Variants in MX1 observed in about 807,000 individuals in gnomAD.
The protein encoded by MX1 is MX dynamin like GTPase 1.
A neutral mutation model predicts 66.4 loss-of-function variants in MX1; 66 were observed. The observed-to-expected ratio is 0.99, with a 90% CI of 0.82 to 1.22. MX1 has a LOEUF of 1.22. Among genes scored for constraint, MX1 ranks in the 50% most tolerant of loss-of-function variants. MX1 has a pLI of 0.00. For missense variants in MX1, 787 were observed against 834.3 expected (o/e 0.94, Z 0.70); for synonymous variants, 311 against 318.1 (o/e 0.98, Z 0.24).
intron 8 of MX1, 38 bp downstream of exon 8, chr21:41,439,886 T>C: frequency 7.3e-7 from 1 of 1,377,742 alleles, no homozygotes; most frequent in Non-Finnish European, 9.7e-7. Context: ...GGCCGTGGCG[T>C]GGGGATGGGG....
chr21:41,452,535 G>A, intron 15 of MX1, 86 bp from the exon 16 acceptor site: 5 of 1,431,478 alleles, frequency 3.5e-6, no homozygotes, highest in Non-Finnish European at 3.8e-6. Context: ...TGGGTAACCT[G>A]GTATTTACGG....
At chr21:41,458,506 G>C (rs768343250) in intron 16 of MX1, 22 bp from the exon 17 acceptor site, 2 of 1,383,610 alleles carry the variant, frequency 1.4e-6, no homozygotes, top group East Asian at 3.1e-5. Flanking sequence ...CCACCCTCCC[G>C]TGAACTGTTC....
chr21:41,441,266 T>C lies in MX1; in HGVS notation c.730+241T>C, dbSNP rs888717523. On this transcript the variant is annotated intron_variant, in intron 9 of 16. Transcript: ENST00000398598. This position sits in a 1 kb window ranked among gnomAD's most constrained non-coding sequence, Gnocchi z 4.0. ...AGACCTGCTAAGGGAGCAGGTTTGG[T>C]GCCCACCAAGGCCAAGTGAAATGAG... 8.3e-5 allele frequency: 45 copies of C among 539,694 alleles called. No homozygotes were observed. The highest frequency in any genetic ancestry group is 1.2e-4 in the Non-Finnish European group (38 of 311,374). The allele number at this position is 539,694 out of a possible 1,614,324, so 33.4% of individuals were successfully genotyped here. A position where few individuals can be genotyped will look rare whatever the true frequency, so the allele number is the denominator to read the frequency against.
rs2146048579 is a variant in MX1 at position 41,427,292 on chromosome 21, C to T, written c.-222C>T. 6.6e-6 allele frequency: 1 copy of T among 152,382 alleles called. No homozygotes were observed. Among genetic ancestry groups the T allele is most frequent in the East Asian group, 1.9e-4 (1 of 5,180 alleles). 9.4% of individuals were successfully genotyped at this position (152,382 alleles called of 1,614,324 possible). ...CCTTGCCGCCCACCTGCTCACCCAG[C>T]TCAGGGGCTTTGGTAGGTAGCAGTG... is the stretch of plus-strand genomic sequence containing the variant. On this transcript the variant is annotated 5_prime_UTR_variant, in exon 2 of 17. Coordinates refer to ENST00000398598, the MANE Select transcript of MX1 (RefSeq NM_002462.5).
intron 6 of MX1, among the ~76,000 whole-genome samples, chr21:41,436,777 G>C (rs2090374345): frequency 6.6e-6 from 1 of 152,204 alleles, no homozygotes; most frequent in African/African-American, 2.4e-5. Flanking sequence ...GCCAAAAGTG[G>C]TGGCTTTCAA....
At chr21:41,433,718 T>C (rs1053494598) in intron 5 of MX1, among the ~76,000 whole-genome samples, 1 of 152,192 alleles carries the variant, frequency 6.6e-6, no homozygotes, top group African/African-American at 2.4e-5. Context: ...GTGAAGGAGT[T>C]GACCCAGGGA....
intron 16 of MX1, among the ~76,000 whole-genome samples, chr21:41,456,370 G>T (rs2090959416): frequency 6.6e-6 from 1 of 152,212 alleles, no homozygotes; most frequent in African/African-American, 2.4e-5. Flanking sequence ...CCCAGGGCAG[G>T]CCAGCAGGAA....
intron 13 of MX1, among the ~76,000 whole-genome samples, chr21:41,447,549 T>C (rs1197870911): frequency 6.6e-6 from 1 of 152,114 alleles, no homozygotes; most frequent in Non-Finnish European, 1.5e-5. Flanking sequence ...TATGATTCCA[T>C]TGATAGAAAA....
At chr21:41,444,633 G>A (rs375712105) in intron 11 of MX1, among the ~76,000 whole-genome samples, 7 of 152,202 alleles carry the variant, frequency 4.6e-5, no homozygotes, top group Middle Eastern at 3.4e-3. Context: ...GTTTCCAGCC[G>A]ACCATGATGA....
upstream of MX1, among the ~76,000 whole-genome samples, chr21:41,425,798 G>A (rs1172117421): frequency 6.6e-6 from 1 of 152,108 alleles, no homozygotes; most frequent in Non-Finnish European, 1.5e-5. Context: ...CGGGACAAGA[G>A]GGGCTCTGCA....
Position 41,443,838 on chromosome 21 carries a change from T to C in MX1, c.980T>C (p.Leu327Pro). Residue 327 changes from leucine (L) to proline (P), a missense_variant, in exon 11 of 17, where the codon CTT (leucine) becomes CCT (proline). Transcript: ENST00000398598. ...KATVPCLAEK[L>P]TSELITHICK... ...ACGGTTCCCTGCCTGGCAGAAAAAC[T>C]TACCAGCGAGCTCATCACACATATC... is the stretch of plus-strand genomic sequence containing the variant. 1 of 1,614,224 alleles carries C rather than the reference T, an allele frequency of 6.2e-7. No homozygotes were observed. The highest frequency in any genetic ancestry group is 8.5e-7 in the Non-Finnish European group (1 of 1,180,038).
At chr21:41,421,846 G>T, upstream of MX1, 1 of 150,362 alleles carries the variant, frequency 6.7e-6, no homozygotes, top group Non-Finnish European at 1.5e-5. Context: ...AGGCACCTAA[G>T]TCCACCTGGG....
exon 1 of MX1, chr21:41,420,691 A>G (rs888908326): frequency 1.1e-4 from 17 of 152,320 alleles, no homozygotes; most frequent in African/African-American, 4.1e-4. Flanking sequence ...CCGATTCCCC[A>G]TTCATTCCAG....
At chr21:41,451,523 G>A (rs1316210276) in intron 15 of MX1, among the ~76,000 whole-genome samples, 1 of 152,118 alleles carries the variant, frequency 6.6e-6, no homozygotes, top group East Asian at 1.9e-4. Context: ...ACTCACTGAG[G>A]AAACTACATA....
chr21:41,422,710 G>A (rs2090005858), upstream of MX1: 1 of 152,244 alleles, frequency 6.6e-6, no homozygotes, highest in Non-Finnish European at 1.5e-5. Flanking sequence ...AATTCAGGTG[G>A]GAGGTTGTGA....
intron 4 of MX1, among the ~76,000 whole-genome samples, chr21:41,431,156 G>A (rs893180312): frequency 6.6e-6 from 1 of 152,122 alleles, no homozygotes; most frequent in African/African-American, 2.4e-5. Flanking sequence ...CCAAGTAGCT[G>A]GGACTACAAA....
intron 15 of MX1, 32 bp downstream of exon 15, chr21:41,451,275 A>AG: frequency 1.5e-6 from 2 of 1,365,674 alleles, no homozygotes; most frequent in Non-Finnish European, 2.1e-6. Flanking sequence ...TTAAAAAAAA[A>AG]AAAGAAAAGA....
At chr21:41,442,625 C>T (rs1006096111) in intron 10 of MX1, 1 of 152,200 alleles carries the variant, frequency 6.6e-6, no homozygotes, top group Non-Finnish European at 1.5e-5. Context: ...CTACAGAGAG[C>T]CATTACTCAG....
intron 3 of MX1, chr21:41,428,459 C>T (rs1183262020): frequency 4.6e-5 from 7 of 152,256 alleles, no homozygotes; most frequent in South Asian, 2.1e-4. Context: ...CCAGAAGTCC[C>T]GCTCTAGTGC....
Sources: gnomAD v4.1 joint callset for allele counts (sites outside exome capture counted in the v4.1 genomes callset) on GRCh38, gnomAD v4.1.1 for gene constraint, Gnocchi (gnomAD v3.1) non-coding constraint, MANE v1.5 for transcripts, NCBI Gene and HGNC (gene_info 2026-07-23, HGNC 2026-07-21) for gene names.